Variants in UQCC1 observed in about 807,000 individuals in gnomAD.
UQCC1 encodes the protein bFGF-repressed Zic-binding protein.
A neutral mutation model predicts 48.0 loss-of-function variants in UQCC1; 38 were observed. That is an observed-to-expected ratio of 0.79 (90% confidence interval 0.61 to 1.04). The LOEUF (loss-of-function observed/expected upper bound fraction) is 1.04. Ranked by LOEUF, UQCC1 falls within the 50% of genes least tolerant of loss-of-function variation. UQCC1 has a pLI of 0.00. For synonymous variants in UQCC1, 111 were observed against 129.2 expected (o/e 0.86, Z 0.95); for missense variants, 368 against 381.8 (o/e 0.96, Z 0.30).
At chr20:35,361,606 T>C (rs2061606162) in intron 6 of UQCC1, among the ~76,000 whole-genome samples, 1 of 152,212 alleles carries the variant, frequency 6.6e-6, no homozygotes, top group Admixed American at 6.5e-5. Flanking sequence ...TTTAAGTATT[T>C]AATTAGTTAC....
At chr20:35,341,181 A>C (rs1480246524) in intron 7 of UQCC1, among the ~76,000 whole-genome samples, 1 of 149,380 alleles carries the variant, frequency 6.7e-6, no homozygotes, top group Non-Finnish European at 1.5e-5. Flanking sequence ...AGGTCGCGCC[A>C]CTGTACTCCA....
At chr20:35,307,676 T>C (rs2060944189) in intron 8 of UQCC1, among the ~76,000 whole-genome samples, 1 of 152,210 alleles carries the variant, frequency 6.6e-6, no homozygotes, top group Non-Finnish European at 1.5e-5. Context: ...ATTCCACCTC[T>C]GCCAAGATCA....
intron 2 of UQCC1, among the ~76,000 whole-genome samples, chr20:35,385,893 T>G (rs1909831469): frequency 6.6e-6 from 1 of 151,212 alleles, no homozygotes; most frequent in African/African-American, 2.4e-5. Context: ...CAAAACTTCC[T>G]GGAAAGGGCA....
intron 6 of UQCC1, among the ~76,000 whole-genome samples, chr20:35,359,811 G>A (rs753979585): frequency 6.6e-5 from 10 of 152,170 alleles, no homozygotes; most frequent in Non-Finnish European, 1.5e-4. Flanking sequence ...CCCCAGCAGT[G>A]TGCTAATGAA....
At chr20:35,398,893 G>A (rs1382337018) in intron 1 of UQCC1, among the ~76,000 whole-genome samples, 1 of 152,030 alleles carries the variant, frequency 6.6e-6, no homozygotes, top group Non-Finnish European at 1.5e-5. Flanking sequence ...TTTTGGCTCC[G>A]GTTGGTCTTA....
At chr20:35,309,252 G>T in intron 8 of UQCC1, 1 of 438,786 alleles carries the variant, frequency 2.3e-6, no homozygotes, top group Non-Finnish European at 4.6e-6. Flanking sequence ...GGACAACATG[G>T]CGAAACTGTT....
rs551703630 is a variant in UQCC1, at chr20:35,324,914, A to T, written c.574-10149T>A. Reference sequence around the variant, plus strand: ...AATTTTCATAGTAGTATCATTTATGATAGCCAAAAGGTGGAAACAACCCAA... The same window carrying T: ...AATTTTCATAGTAGTATCATTTATGTTAGCCAAAAGGTGGAAACAACCCAA... On this transcript the variant is annotated intron_variant, in intron 7 of 9. Transcript: ENST00000374385. 7.2e-5 allele frequency among the ~76,000 whole-genome samples: 11 copies of T among 152,368 alleles called. 1 individual carries two copies. In the South Asian group the frequency reaches 2.3e-3, roughly 32 times the overall value.
chr20:35,375,399 CTA>C (rs1568691270), intron 4 of UQCC1, among the ~76,000 whole-genome samples: 15 of 152,028 alleles, frequency 9.9e-5, no homozygotes, highest in Admixed American at 1.3e-4. Flanking sequence ...ATTTTATTTG[CTA>C]ACTTGAGATC....
rs537671395 is a variant in UQCC1, at chr20:35,393,523, C to T, written c.129+569G>A. 9.2e-5 allele frequency among the ~76,000 whole-genome samples: 14 copies of T among 151,570 alleles called. No homozygotes were observed. The South Asian group carries it at 1.3e-3, about 14-fold the overall frequency. On this transcript the variant is annotated intron_variant, in intron 2 of 9. Transcript: ENST00000374385. Reference sequence around the variant, plus strand: ...ACACAAACACACACACACACACACACACACACACACAGGCTGAAAAAGAAC... The same window carrying T: ...ACACAAACACACACACACACACACATACACACACACAGGCTGAAAAAGAAC...
At chr20:35,325,816 G>A (rs1045422448) in intron 7 of UQCC1, among the ~76,000 whole-genome samples, 3 of 151,688 alleles carry the variant, frequency 2.0e-5, no homozygotes, top group East Asian at 1.9e-4. Context: ...GCACAGGGAG[G>A]TGAACAAGTA....
chr20:35,338,784 G>A (rs935710001), intron 7 of UQCC1, among the ~76,000 whole-genome samples: 1 of 141,384 alleles, frequency 7.1e-6, no homozygotes, highest in Non-Finnish European at 1.5e-5. Flanking sequence ...GGTGGAGGTT[G>A]CAGTGAGCTG....
At chr20:35,395,440 C>T (rs551338769) in intron 1 of UQCC1, among the ~76,000 whole-genome samples, 2 of 150,804 alleles carry the variant, frequency 1.3e-5, no homozygotes, top group Admixed American at 6.6e-5. Context: ...GGCAACAAAG[C>T]GAGACCCCCA....
At chr20:35,313,316 T>G (rs1246980570) in intron 8 of UQCC1, among the ~76,000 whole-genome samples, 1 of 133,178 alleles carries the variant, frequency 7.5e-6, no homozygotes, top group Non-Finnish European at 1.5e-5. Context: ...GTGGAGCTTG[T>G]GGTAAGTAGA....
chr20:35,316,742 C>T (rs1461635434), intron 7 of UQCC1, among the ~76,000 whole-genome samples: 1 of 150,466 alleles, frequency 6.6e-6, no homozygotes, highest in East Asian at 2.0e-4. Context: ...GGGTTCACAG[C>T]ATTCTCCTGC....
intron 7 of UQCC1, among the ~76,000 whole-genome samples, chr20:35,322,293 G>A (rs2061139845): frequency 6.6e-6 from 1 of 151,938 alleles, no homozygotes; most frequent in Non-Finnish European, 1.5e-5. Flanking sequence ...GACAGTGATG[G>A]TCGTAACAAT....
intron 7 of UQCC1, 63 bp from the exon 8 acceptor site, chr20:35,314,828 TG>T: frequency 7.2e-7 from 1 of 1,392,340 alleles, no homozygotes; most frequent in Non-Finnish European, 1.0e-6. Flanking sequence ...CCAAAAAGTA[TG>T]ATCTTTGACT....
Position 35,302,812 on chromosome 20 carries a change from T to G in UQCC1, c.*1123A>C, listed in dbSNP as rs1218012311. On this transcript the variant is annotated 3_prime_UTR_variant, in exon 10 of 10. Coordinates refer to ENST00000374385, the MANE Select transcript of UQCC1 (RefSeq NM_018244.5). ...GAGAAGCGGTTTGATTTGTAATGTT[T>G]TCACAGAAGTGGGATATACCTCACC... 6.6e-6 allele frequency: 1 copy of G among 152,234 alleles called. No homozygotes were observed. Among genetic ancestry groups the G allele is most frequent in the African/African-American group, 2.4e-5 (1 of 41,454 alleles). The allele number at this position is 152,234 out of a possible 1,614,324, so 9.4% of individuals were successfully genotyped here.
chr20:35,386,115 C>T (rs1330808084), intron 2 of UQCC1, among the ~76,000 whole-genome samples: 1 of 151,970 alleles, frequency 6.6e-6, no homozygotes, highest in Non-Finnish European at 1.5e-5. Flanking sequence ...TAAAACATGA[C>T]TGCGTAGACT....
At chr20:35,359,246 C>T (rs1229340538) in intron 6 of UQCC1, among the ~76,000 whole-genome samples, 1 of 152,168 alleles carries the variant, frequency 6.6e-6, no homozygotes, top group East Asian at 1.9e-4. Context: ...TTATAACTGT[C>T]CCCGTTTCAC....
Sources: gnomAD v4.1 joint callset for allele counts (sites outside exome capture counted in the v4.1 genomes callset) on GRCh38, gnomAD v4.1.1 for gene constraint, MANE v1.5 for transcripts, NCBI Gene and HGNC (gene_info 2026-07-23, HGNC 2026-07-21) for gene names.